The following BMP3 variants were observed in gnomAD, a reference collection of about 807,000 sequenced individuals.
BMP3 encodes the protein bone morphogenetic protein 3.
Under a neutral mutation model 38.1 loss-of-function variants are expected in BMP3, and 23 were observed. The ratio of observed to expected loss-of-function variants is 0.60; its 90% CI spans 0.43 to 0.86. The LOEUF (loss-of-function observed/expected upper bound fraction) is 0.86, where lower values mean the gene tolerates loss of function less well. Ranked by LOEUF, BMP3 falls within the 40% of genes least tolerant of loss-of-function variation. BMP3 has a pLI of 0.00. For synonymous variants in BMP3, 258 were observed against 225.7 expected, an observed-to-expected ratio of 1.14 and a Z score of -1.28; for missense variants, 628 against 579.6, an observed-to-expected ratio of 1.08 and a Z score of -0.86.
At chr4:81,038,389 T>C (rs1187117571) in intron 1 of BMP3, among the ~76,000 whole-genome samples, 1 of 152,186 alleles carries the variant, frequency 6.6e-6, no homozygotes, top group Non-Finnish European at 1.5e-5. Flanking sequence ...TTCATCTTTG[T>C]GTTCTGAGGA....
At position 81,050,191 on chromosome 4, in the gene BMP3, A is replaced by G. The variant is rs1053082333; in HGVS notation, c.1228-3154A>G. On this transcript the variant is annotated intron_variant, in intron 2 of 2. Coordinates refer to ENST00000282701, the MANE Select transcript of BMP3 (RefSeq NM_001201.5). ...GGAATGAAGGCTCTTAGCTGATGAC[A>G]TGCTCTCCCCTGCTAATGCATTTGT... Among the ~76,000 whole-genome samples, 6 of 152,178 alleles carry G rather than the reference A, an allele frequency of 3.9e-5. No homozygotes were observed. In the East Asian group the frequency reaches 7.7e-4, roughly 20 times the overall value.
chr4:81,052,520 G>C (rs551195444), intron 2 of BMP3, among the ~76,000 whole-genome samples: 12 of 152,222 alleles, frequency 7.9e-5, no homozygotes, highest in African/African-American at 2.4e-4. Flanking sequence ...TCTTACTCAG[G>C]CTTCTTTGGT....
intron 2 of BMP3, among the ~76,000 whole-genome samples, chr4:81,052,528 G>A (rs1267428699): frequency 6.6e-6 from 1 of 152,062 alleles, no homozygotes; most frequent in Non-Finnish European, 1.5e-5. Flanking sequence ...AGGCTTCTTT[G>A]GTGAAAGTTC....
rs1740250220 is a variant in BMP3 at position 81,046,468 on chromosome 4, C to A, written c.1047C>A (p.Leu349=). The A allele has an allele frequency of 6.2e-7, 1 of 1,613,940 alleles. No individual in the cohort carries two copies. Among genetic ancestry groups the A allele is most frequent in the Non-Finnish European group, 8.5e-7 (1 of 1,179,980 alleles). Residue 349 remains leucine (L), a synonymous_variant, in exon 2 of 3, where the codon CTC becomes CTA. Coordinates refer to ENST00000282701, the MANE Select transcript of BMP3 (RefSeq NM_001201.5). ...RKGPHRKSQT[L]QFDEQTLKKA... is the part of the protein sequence containing the mutation. ...GGCCTCATCGGAAGAGCCAGACGCT[C>A]CAATTTGATGAGCAGACCCTGAAAA...
At chr4:81,035,080 G>A (rs553719785) in intron 1 of BMP3, among the ~76,000 whole-genome samples, 1 of 152,198 alleles carries the variant, frequency 6.6e-6, no homozygotes, top group East Asian at 1.9e-4. Context: ...GTACATCTGG[G>A]GAAGAGGAGA....
At chr4:81,039,926 C>G (rs2109905035) in intron 1 of BMP3, among the ~76,000 whole-genome samples, 1 of 152,236 alleles carries the variant, frequency 6.6e-6, no homozygotes, top group South Asian at 2.1e-4. Flanking sequence ...AATGGGTTGT[C>G]ATGACAAGCT....
At chr4:81,033,721 C>A (rs966380937) in intron 1 of BMP3, among the ~76,000 whole-genome samples, 2 of 152,156 alleles carry the variant, frequency 1.3e-5, no homozygotes, top group African/African-American at 4.8e-5. Context: ...TAAGGCAGGA[C>A]TCTAGGAAGG....
intron 2 of BMP3, among the ~76,000 whole-genome samples, chr4:81,050,569 A>C (rs1740377618): frequency 6.6e-6 from 1 of 152,168 alleles, no homozygotes; most frequent in South Asian, 2.1e-4. Flanking sequence ...AACACATAGA[A>C]TTAGGCAGCA....
intron 2 of BMP3, 24 bp downstream of exon 2, chr4:81,046,672 A>T (rs887414419): frequency 6.4e-7 from 1 of 1,572,678 alleles, no homozygotes; most frequent in Non-Finnish European, 8.6e-7. Flanking sequence ...TCTGTCCTGT[A>T]CTTACTTCCT....
intron 1 of BMP3, among the ~76,000 whole-genome samples, chr4:81,043,171 C>A (rs1291888835): frequency 2.0e-5 from 3 of 152,194 alleles, no homozygotes; most frequent in Admixed American, 6.5e-5. Context: ...GTGTGTGTTT[C>A]TGAAACAAAT....
At chr4:81,034,865 C>G (rs1739877836) in intron 1 of BMP3, among the ~76,000 whole-genome samples, 1 of 152,032 alleles carries the variant, frequency 6.6e-6, no homozygotes, top group Non-Finnish European at 1.5e-5. Flanking sequence ...TAGTATATAA[C>G]TAAGTGTTGA....
chr4:81,031,477 G>A lies in BMP3; in HGVS notation c.193G>A (p.Asp65Asn). The A allele has an allele frequency of 1.2e-6, 2 of 1,613,372 alleles. No individual in the cohort carries two copies. Among genetic ancestry groups the A allele is most frequent in the Non-Finnish European group, 1.7e-6 (2 of 1,179,714 alleles). ...CTCTGAACACATGCTGCGGCTCTAT[G>A]ACAGGTACAGCACGGTCCAGGCGGC... The part of the protein sequence containing the change: ...KVSEHMLRLY[D>N]RYSTVQAART... The change falls in exon 1 of 3, where the codon GAC (aspartate) becomes AAC (asparagine). Residue 65 changes from aspartate (D) to asparagine (N), a missense_variant. Asp to Asn is a conservative substitution (Grantham distance 23). Coordinates refer to ENST00000282701, the MANE Select transcript of BMP3 (RefSeq NM_001201.5).
Position 81,031,311 on chromosome 4 carries a change from T to A in BMP3, c.27T>A (p.Phe9Leu). Residue 9 changes from phenylalanine to leucine, a missense_variant, in exon 1 of 3, where the codon TTT (phenylalanine) becomes TTA (leucine). Phe to Leu is a conservative substitution (Grantham distance 22, BLOSUM62 0). Transcript: ENST00000282701. MAGASRLL[F>L]LWLGCFCVSL... ...TGGCTGGGGCGAGCAGGCTGCTCTT[T>A]CTGTGGCTGGGCTGCTTCTGCGTGA... 1 of 1,610,032 alleles carries A rather than the reference T, an allele frequency of 6.2e-7. No homozygotes were observed. The highest frequency in any genetic ancestry group is 1.1e-5 in the South Asian group (1 of 90,100).
intron 1 of BMP3, among the ~76,000 whole-genome samples, chr4:81,039,456 C>T (rs549087018): frequency 6.6e-6 from 1 of 152,252 alleles, no homozygotes; most frequent in African/African-American, 2.4e-5. Context: ...GTGAACTTCC[C>T]CTTACCACTC....
intron 2 of BMP3, among the ~76,000 whole-genome samples, chr4:81,051,176 T>TA (rs970022019): frequency 4.6e-5 from 7 of 151,818 alleles, no homozygotes; most frequent in Non-Finnish European, 8.8e-5. Flanking sequence ...CTTGAAGCTG[T>TA]AAAAAAAAGG....
At position 81,056,339 on chromosome 4, in the gene BMP3, T is replaced by C. The variant is rs983997616; in HGVS notation, c.*2803T>C. 3 of 151,754 alleles carry C rather than the reference T, an allele frequency of 2.0e-5. No individual in the cohort carries two copies. The highest frequency in any genetic ancestry group is 4.4e-5 in the Non-Finnish European group (3 of 67,998). 9.4% of individuals were successfully genotyped at this position (151,754 alleles called of 1,614,324 possible). ...GTCAGTTACTGAAAAAAATAATTCT[T>C]TTTCTTTTTTTTTTTAAATGGAGTT... On this transcript the variant is annotated 3_prime_UTR_variant, in exon 3 of 3. Coordinates refer to ENST00000282701, the MANE Select transcript of BMP3 (RefSeq NM_001201.5).
At chr4:81,040,830 G>T (rs543806002) in intron 1 of BMP3, among the ~76,000 whole-genome samples, 3 of 152,110 alleles carry the variant, frequency 2.0e-5, no homozygotes, top group East Asian at 3.9e-4. Flanking sequence ...GCCTAAAAAC[G>T]CATAAGTATT....
intron 2 of BMP3, among the ~76,000 whole-genome samples, chr4:81,050,477 G>A (rs138975262): frequency 3.9e-4 from 59 of 151,694 alleles, no homozygotes; most frequent in Non-Finnish European, 7.5e-4. Context: ...AAGTGATTGA[G>A]CTGTTGTCAC....
In BMP3 at chr4:81,046,153, C is replaced by T. The variant is rs1348154413; in HGVS notation, c.732C>T (p.Ala244=). The T allele has an allele frequency of 6.2e-7, 1 of 1,614,086 alleles. No homozygotes were observed. The highest frequency in any genetic ancestry group is 1.1e-5 in the South Asian group (1 of 91,078). Residue 244 remains alanine, a synonymous_variant, in exon 2 of 3, where the codon GCC becomes GCT. Transcript: ENST00000282701. ...PFPEPYILVY[A]NDAAISEPES... ...CAGAGCCTTATATCTTGGTATATGC[C>T]AATGATGCCGCCATTTCTGAGCCAG...
Sources: gnomAD v4.1 joint callset for allele counts (sites outside exome capture counted in the v4.1 genomes callset) on GRCh38, gnomAD v4.1.1 for gene constraint, MANE v1.5 for transcripts, NCBI Gene and HGNC (gene_info 2026-07-23, HGNC 2026-07-21) for gene names.